Variants in MAST2 observed in about 807,000 individuals in gnomAD.
The protein encoded by MAST2 is microtubule associated serine/threonine kinase 2, also known as microtubule-associated serine/threonine-protein kinase 2.
MAST2 carries 70 observed loss-of-function variants against 147.4 expected under a neutral mutation model. The observed-to-expected ratio is 0.47, with a 90% CI of 0.39 to 0.58. MAST2 has a LOEUF of 0.58. Among genes scored for constraint, MAST2 ranks in the 20% least tolerant of loss-of-function variants. The pLI, the probability that MAST2 is intolerant of heterozygous loss-of-function variation, is 0.00. For missense variants in MAST2, 2,080 were observed against 2,302.3 expected, an observed-to-expected ratio of 0.90 and a Z score of 1.98; for synonymous variants, 869 against 896.8, an observed-to-expected ratio of 0.97 and a Z score of 0.55.
chr1:45,870,610 C>G (rs1646345219), intron 3 of MAST2, among the ~76,000 whole-genome samples: 1 of 150,920 alleles, frequency 6.6e-6, no homozygotes, highest in South Asian at 2.1e-4. Context: ...TATTAAGACT[C>G]TTTTTTTTCA....
intron 5 of MAST2, among the ~76,000 whole-genome samples, chr1:45,972,670 G>C (rs553921524): frequency 1.3e-5 from 2 of 152,176 alleles, no homozygotes; most frequent in African/African-American, 2.4e-5. Flanking sequence ...GAACCCTCAG[G>C]TTACCCGCAC....
At chr1:45,922,798 T>C (rs1248248296) in intron 4 of MAST2, among the ~76,000 whole-genome samples, 1 of 152,120 alleles carries the variant, frequency 6.6e-6, no homozygotes, top group Non-Finnish European at 1.5e-5. Context: ...CCACCGACTC[T>C]GTAGAGCATG....
intron 27 of MAST2, 61 bp downstream of exon 27, chr1:46,033,999 G>T: frequency 6.2e-7 from 1 of 1,607,488 alleles, no homozygotes; most frequent in Non-Finnish European, 8.5e-7. Context: ...TACGTGGTGG[G>T]TGCCTTGGCC....
chr1:45,938,944 C>T (rs1307962501), intron 4 of MAST2, among the ~76,000 whole-genome samples: 1 of 151,546 alleles, frequency 6.6e-6, no homozygotes, highest in Non-Finnish European at 1.5e-5. Flanking sequence ...TTTGTATGTT[C>T]TAGATACAAG....
intron 3 of MAST2, among the ~76,000 whole-genome samples, chr1:45,880,522 A>G (rs1646796267): frequency 1.3e-5 from 2 of 152,236 alleles, no homozygotes; most frequent in Admixed American, 6.5e-5. Flanking sequence ...AGACTTATCA[A>G]TTGGCATACG....
In MAST2 at chr1:45,882,012, T is replaced by TAAAAAA. The variant is rs71062722; in HGVS notation, c.469-327_469-322dup. On this transcript the variant is annotated intron_variant, in intron 3 of 28. Coordinates refer to ENST00000361297, the MANE Select transcript of MAST2 (RefSeq NM_015112.3). The stretch of plus-strand genomic sequence containing the variant: ...TAACACGGTGAAACCCCGTCTCTAC[T>TAAAAAA]AAAAAAAAAAAAAAAAAAAAAAAAA... Among the ~76,000 whole-genome samples, 150 of 39,824 alleles carry TAAAAAA rather than the reference T, an allele frequency of 3.8e-3. 12 individuals carry two copies. The highest frequency in any genetic ancestry group is 5.0e-3 in the Non-Finnish European group (107 of 21,380). The allele number at this position is 39,824 out of a possible 152,430, so 26.1% of individuals were successfully genotyped here.
intron 4 of MAST2, among the ~76,000 whole-genome samples, chr1:45,904,487 A>G (rs1457015917): frequency 6.7e-6 from 1 of 149,086 alleles, no homozygotes; most frequent in Non-Finnish European, 1.5e-5. Flanking sequence ...AATTTTTTTT[A>G]GGCAGGGTCT....
At chr1:45,961,103 T>A (rs908617540) in intron 5 of MAST2, among the ~76,000 whole-genome samples, 3 of 152,140 alleles carry the variant, frequency 2.0e-5, no homozygotes, top group Admixed American at 6.6e-5. Context: ...TGATGGCCCC[T>A]TTCCAAGAAT....
At chr1:45,882,926 A>G (rs1646913377) in intron 4 of MAST2, among the ~76,000 whole-genome samples, 1 of 152,044 alleles carries the variant, frequency 6.6e-6, no homozygotes, top group Non-Finnish European at 1.5e-5. Context: ...CTGGATTTTA[A>G]TTTCTTAAAT....
chr1:45,986,067 A>G (rs56368769), intron 5 of MAST2, among the ~76,000 whole-genome samples: 28,444 of 152,192 alleles, frequency 0.19, 3,277 homozygotes, highest in Non-Finnish European at 0.26. Context: ...AACTCCCAGT[A>G]TAATTTTGAA....
chr1:45,951,004 GC>G (rs1658849883), intron 4 of MAST2, among the ~76,000 whole-genome samples: 1 of 152,030 alleles, frequency 6.6e-6, no homozygotes. Context: ...GATCGCTTGA[GC>G]CCGGGAGTTC....
chr1:46,020,870 T>G (rs189100384), intron 11 of MAST2, among the ~76,000 whole-genome samples: 13 of 152,342 alleles, frequency 8.5e-5, no homozygotes, highest in Admixed American at 5.9e-4. Flanking sequence ...GTATCAGTAA[T>G]TGGTTCCTAT....
Position 45,882,402 on chromosome 1 carries a change from A to G in MAST2, c.500+7A>G, listed in dbSNP as rs562982123. On this transcript the variant is annotated splice_region_variant and intron_variant, in intron 4 of 28. Coordinates refer to ENST00000361297, the MANE Select transcript of MAST2 (RefSeq NM_015112.3). ...TTCCAAGAAGAGGCAGCTTGTAAGT[A>G]GATGATTATTACCATTATGATTATG... is the stretch of plus-strand genomic sequence containing the variant. 2.3e-4 allele frequency: 372 copies of G among 1,607,238 alleles called. 4 individuals carry two copies. In the South Asian group the frequency reaches 4.0e-3, roughly 17 times the overall value.
chr1:45,962,601 C>T (rs907636179), intron 5 of MAST2, among the ~76,000 whole-genome samples: 6 of 152,136 alleles, frequency 3.9e-5, no homozygotes, highest in African/African-American at 1.4e-4. Flanking sequence ...ATCCTTCGCC[C>T]ACTTTGTGAT....
intron 4 of MAST2, among the ~76,000 whole-genome samples, chr1:45,886,325 C>A (rs1183167145): frequency 6.7e-6 from 1 of 149,478 alleles, no homozygotes; most frequent in Non-Finnish European, 1.5e-5. Flanking sequence ...CACACACACA[C>A]ACACACACAC....
At chr1:46,019,871 G>T (rs1226942888) in intron 11 of MAST2, among the ~76,000 whole-genome samples, 174 bp downstream of exon 11, 2 of 152,226 alleles carry the variant, frequency 1.3e-5, no homozygotes, top group Non-Finnish European at 2.9e-5. Flanking sequence ...GAGGACAAAT[G>T]TATGGTCCTG....
chr1:45,835,748 A>G (rs147030590), intron 3 of MAST2, among the ~76,000 whole-genome samples: 1 of 152,068 alleles, frequency 6.6e-6, no homozygotes, highest in African/African-American at 2.4e-5. Flanking sequence ...CTACCCATTA[A>G]ACAGTCATTA....
At chr1:45,889,254 C>T (rs530384920) in intron 4 of MAST2, among the ~76,000 whole-genome samples, 6 of 151,988 alleles carry the variant, frequency 3.9e-5, no homozygotes, top group Admixed American at 2.0e-4. Context: ...GGTGCGATCA[C>T]GGCTCAGTGC....
At chr1:45,998,705 C>T in intron 6 of MAST2, among the ~76,000 whole-genome samples, 1 of 151,550 alleles carries the variant, frequency 6.6e-6, no homozygotes, top group East Asian at 1.9e-4. Context: ...AGCTGGAGAC[C>T]AGGACAGTTT....
Sources: allele counts gnomAD v4.1 joint callset (sites outside exome capture counted in the v4.1 genomes callset), GRCh38; gene constraint gnomAD v4.1.1; transcripts MANE v1.5; gene names NCBI Gene and HGNC (gene_info 2026-07-23, HGNC 2026-07-21).